The following TPST1 variants were observed in gnomAD, a reference collection of about 807,000 sequenced individuals.
The protein encoded by TPST1 is protein-tyrosine sulfotransferase 1.
A neutral mutation model predicts 34.8 loss-of-function variants in TPST1; 20 were observed. That is an observed-to-expected ratio of 0.57 (90% CI 0.40 to 0.84). The LOEUF (loss-of-function observed/expected upper bound fraction) is 0.84, where lower values mean the gene tolerates loss of function less well. Among genes scored for constraint, TPST1 ranks in the 40% least tolerant of loss-of-function variants. The pLI, the probability that TPST1 is intolerant of heterozygous loss-of-function variation, is 0.00. For missense variants in TPST1, 353 were observed against 455.5 expected (o/e 0.78, Z 2.05); for synonymous variants, 152 against 159.4 (o/e 0.95, Z 0.35).
At chr7:66,339,080 G>T (rs1005349286) in intron 3 of TPST1, among the ~76,000 whole-genome samples, 8 of 142,008 alleles carry the variant, frequency 5.6e-5, no homozygotes, top group Non-Finnish European at 1.2e-4. Context: ...ATCAAAATTG[G>T]CAAACCTTTC....
intron 3 of TPST1, among the ~76,000 whole-genome samples, chr7:66,302,446 C>T (rs975708925): frequency 2.0e-5 from 3 of 152,180 alleles, no homozygotes; most frequent in Non-Finnish European, 2.9e-5. Context: ...TCTCACTGTG[C>T]TCCCACCAGC....
intron 1 of TPST1, among the ~76,000 whole-genome samples, chr7:66,208,991 G>A (rs1231269039): frequency 2.6e-5 from 4 of 152,068 alleles, no homozygotes; most frequent in Non-Finnish European, 5.9e-5. Context: ...ATATGGAAAA[G>A]TGTGTCTTAG....
At chr7:66,302,491 T>C (rs1791337610) in intron 3 of TPST1, among the ~76,000 whole-genome samples, 1 of 152,202 alleles carries the variant, frequency 6.6e-6, no homozygotes, top group Non-Finnish European at 1.5e-5. Context: ...TTACATGTAA[T>C]TGTCAGGTCA....
chr7:66,347,364 A>G (rs1792377890), intron 3 of TPST1, among the ~76,000 whole-genome samples: 2 of 152,048 alleles, frequency 1.3e-5, no homozygotes, highest in South Asian at 4.2e-4. Flanking sequence ...CACCATGTCC[A>G]GCAAGTATCT....
At chr7:66,309,623 A>G (rs144537858) in intron 3 of TPST1, among the ~76,000 whole-genome samples, 14 of 152,316 alleles carry the variant, frequency 9.2e-5, no homozygotes, top group African/African-American at 3.1e-4. Context: ...TCTCTCTGGT[A>G]GGGAGGGCCA....
chr7:66,358,101 C>T (rs1792619285), intron 5 of TPST1, among the ~76,000 whole-genome samples: 1 of 151,354 alleles, frequency 6.6e-6, no homozygotes, highest in Non-Finnish European at 1.5e-5. Flanking sequence ...AAAAAATTGG[C>T]TGGGCGTGGT....
At chr7:66,227,027 G>GTTTTTTTTTT (rs1390977469) in intron 1 of TPST1, among the ~76,000 whole-genome samples, 5 of 46,036 alleles carry the variant, frequency 1.1e-4, no homozygotes, top group African/African-American at 4.5e-4. Flanking sequence ...CTTAAAATAA[G>GTTTTTTTTTT]CTTTTTTTTT....
intron 3 of TPST1, among the ~76,000 whole-genome samples, chr7:66,323,290 TATC>T (rs1791794321): frequency 6.6e-6 from 1 of 152,164 alleles, no homozygotes; most frequent in Admixed American, 6.5e-5. Flanking sequence ...AATCAACCCG[TATC>T]AGCCTTCCAA....
chr7:66,233,900 C>T (rs1789851093), intron 1 of TPST1, among the ~76,000 whole-genome samples: 1 of 152,012 alleles, frequency 6.6e-6, no homozygotes, highest in Non-Finnish European at 1.5e-5. Context: ...GTCTCTCTCT[C>T]ACCCAGCATG....
rs1792659894 is a variant in TPST1, at chr7:66,360,014, T to C, written c.*149T>C. 14 of 455,928 alleles carry C rather than the reference T, an allele frequency of 3.1e-5. No homozygotes were observed. The highest frequency in any genetic ancestry group is 2.2e-4 in the South Asian group (14 of 64,530). 28.2% of individuals were successfully genotyped at this position (455,928 alleles called of 1,614,324 possible). ...TGTGCATTTGCCAGTTTCCTCCCAC[T>C]GAGAGGATGGAGGTGTCCGCACAGC... is the stretch of plus-strand genomic sequence containing the variant. On this transcript the variant is annotated 3_prime_UTR_variant, in exon 6 of 6. Coordinates refer to ENST00000304842, the MANE Select transcript of TPST1 (RefSeq NM_003596.4).
In TPST1 at chr7:66,240,560, G is replaced by A. The variant is rs146783639; in HGVS notation, c.135G>A (p.Glu45=). 5.9e-5 allele frequency: 95 copies of A among 1,614,146 alleles called. No homozygotes were observed. The highest frequency in any genetic ancestry group is 7.5e-5 in the Non-Finnish European group (88 of 1,180,028). The change falls in exon 2 of 6, where the codon GAG becomes GAA. Residue 45 remains glutamate (E), a synonymous_variant. Transcript: ENST00000304842. ...AACGTAGCCAGCCAGTCAAATTGGA[G>A]AGCACAAGGACCACTGTGAGAACTG... ...IEERSQPVKL[E]STRTTVRTGL...
chr7:66,243,941 A>ATTTTTTTTTTTTTTTTTTTTTTTTTTT (rs55829208), intron 2 of TPST1, among the ~76,000 whole-genome samples: 1 of 116,232 alleles, frequency 8.6e-6, no homozygotes. Flanking sequence ...ATTCTGGGAA[A>ATTTTTTTTTTTTTTTTTTTTTTTTTTT]TTTTTTTTTT....
intron 3 of TPST1, among the ~76,000 whole-genome samples, chr7:66,303,473 G>A (rs1454694144): frequency 2.0e-5 from 3 of 151,526 alleles, no homozygotes; most frequent in Non-Finnish European, 4.4e-5. Context: ...TCAGTGGTGC[G>A]ATCTCTGCTC....
chr7:66,339,441 T>C (rs1378941212), intron 3 of TPST1, among the ~76,000 whole-genome samples: 2 of 151,996 alleles, frequency 1.3e-5, no homozygotes, highest in African/African-American at 4.8e-5. Context: ...CTAATACCAA[T>C]CCTACTCAAA....
intron 2 of TPST1, among the ~76,000 whole-genome samples, chr7:66,250,097 A>G (rs1473353668): frequency 1.3e-5 from 2 of 152,220 alleles, no homozygotes; most frequent in Non-Finnish European, 2.9e-5. Flanking sequence ...AACAGGGAAG[A>G]TGGTGATGAT....
chr7:66,314,080 C>G (rs943646140), intron 3 of TPST1, among the ~76,000 whole-genome samples: 14 of 152,050 alleles, frequency 9.2e-5, no homozygotes, highest in Non-Finnish European at 1.5e-4. Context: ...CATATGAGGC[C>G]ACAATACTAG....
intron 2 of TPST1, among the ~76,000 whole-genome samples, chr7:66,263,512 C>T (rs562663437): frequency 1.4e-4 from 22 of 152,284 alleles, no homozygotes; most frequent in Non-Finnish European, 2.8e-4. Context: ...AATATTTCTT[C>T]AAGCAAGCTA....
intron 3 of TPST1, among the ~76,000 whole-genome samples, chr7:66,334,113 A>C (rs1421768396): frequency 6.6e-6 from 1 of 152,196 alleles, no homozygotes; most frequent in Non-Finnish European, 1.5e-5. Flanking sequence ...AAATTAGGGG[A>C]AACGGATGAA....
In TPST1 at chr7:66,258,698, G is replaced by A. The variant is rs537785412; in HGVS notation, c.845+17428G>A. On this transcript the variant is annotated intron_variant, in intron 2 of 5. Coordinates refer to ENST00000304842, the MANE Select transcript of TPST1 (RefSeq NM_003596.4). ...CCTGCGATGCGTTTCTGTATGGCTG[G>A]TGCCACCCTTAGGGTGAAGAGCTCA... Among the ~76,000 whole-genome samples the A allele has an allele frequency of 6.6e-5, 10 of 152,144 alleles. No homozygotes were observed. In the South Asian group the frequency reaches 1.0e-3, roughly 16 times the overall value.
Sources: gnomAD v4.1 joint callset for allele counts (sites outside exome capture counted in the v4.1 genomes callset) on GRCh38, gnomAD v4.1.1 for gene constraint, MANE v1.5 for transcripts, NCBI Gene and HGNC (gene_info 2026-07-23, HGNC 2026-07-21) for gene names.